The following PLD3 variants were observed in gnomAD, a reference collection of about 807,000 sequenced individuals.
PLD3 encodes the protein phospholipase D family member 3.
PLD3 carries 31 observed loss-of-function variants against 58.4 expected under a neutral mutation model. The observed-to-expected ratio is 0.53, with a 90% CI of 0.40 to 0.72. The LOEUF is 0.72. Among genes scored for constraint, PLD3 ranks in the 30% least tolerant of loss-of-function variants. PLD3 has a pLI of 0.00. For missense variants in PLD3, 595 were observed against 659.8 expected, an observed-to-expected ratio of 0.90 and a Z score of 1.08; for synonymous variants, 264 against 273.4, an observed-to-expected ratio of 0.97 and a Z score of 0.34.
At chr19:40,374,791 G>A in intron 10 of PLD3, 171 bp downstream of exon 10, 1 of 646,842 alleles carries the variant, frequency 1.5e-6, no homozygotes, top group East Asian at 2.7e-5. Flanking sequence ...CTAGGCACTT[G>A]AGACAGGAGA....
At position 40,367,461 on chromosome 19, in the gene PLD3, G is replaced by A. The variant is rs143785129; in HGVS notation, c.246-235G>A. The A allele has an allele frequency of 1.3e-3, 578 of 461,152 alleles. 6 individuals carry two copies. The highest frequency in any genetic ancestry group is 9.5e-3 in the Middle Eastern group (16 of 1,678). 28.6% of individuals were successfully genotyped at this position (461,152 alleles called of 1,614,324 possible). A position where few individuals can be genotyped will look rare whatever the true frequency, so the allele number is the denominator to read the frequency against. On this transcript the variant is annotated intron_variant, in intron 5 of 12. Coordinates refer to ENST00000409735, the MANE Select transcript of PLD3 (RefSeq NM_012268.4). Reference sequence around the variant, plus strand: ...CCAGGCATACTGGTGCACACCTGTAGTCCCAGCTACTCAAGAGGTTGAGGC... The same window carrying A: ...CCAGGCATACTGGTGCACACCTGTAATCCCAGCTACTCAAGAGGTTGAGGC...
At chr19:40,358,536 G>A (rs1320348084) in intron 1 of PLD3, 1 of 152,382 alleles carries the variant, frequency 6.6e-6, no homozygotes, top group Non-Finnish European at 1.5e-5. Flanking sequence ...ACAGGCATGA[G>A]CCACCGTGCC....
intron 1 of PLD3, chr19:40,358,749 C>G (rs1205053976): frequency 6.6e-6 from 1 of 152,268 alleles, no homozygotes; most frequent in African/African-American, 2.4e-5. Flanking sequence ...AAGTAAAGCC[C>G]CATGCTCAGC....
At chr19:40,364,635 A>G (rs1337039700) in intron 1 of PLD3, among the ~76,000 whole-genome samples, 3 of 151,346 alleles carry the variant, frequency 2.0e-5, no homozygotes, top group South Asian at 2.1e-4. Flanking sequence ...ACTAAAAAAT[A>G]CAAAAAAAAA....
In PLD3 at chr19:40,374,636, G is replaced by C. The variant is rs758291403; in HGVS notation, c.1019+16G>C. ...ACCCTCACAGGTACTGCTGGGTGTG[G>C]AGATAGGGAGCCGCTGCAGTTGGCC... On this transcript the variant is annotated intron_variant, in intron 10 of 12. Transcript: ENST00000409735. 2 of 1,613,680 alleles carry C rather than the reference G, an allele frequency of 1.2e-6. No individual in the cohort carries two copies. The highest frequency in any genetic ancestry group is 1.7e-5 in the Admixed American group (1 of 59,986).
At position 40,374,610 on chromosome 19, in the gene PLD3, C is replaced by A; in HGVS notation, c.1009C>A (p.His337Asn). ...MNYLPTLEFS[H>N]PHRFWPAIDD... ...CTACCTGCCCACTCTGGAGTTCTCC[C>A]ACCCTCACAGGTACTGCTGGGTGTG... The change falls in exon 10 of 13, where the codon CAC becomes AAC. Residue 337 changes from histidine to asparagine, a missense_variant. Coordinates refer to ENST00000409735, the MANE Select transcript of PLD3 (RefSeq NM_012268.4). 6.2e-7 allele frequency: 1 copy of A among 1,614,136 alleles called. No homozygotes were observed. Among genetic ancestry groups the A allele is most frequent in the Non-Finnish European group, 8.5e-7 (1 of 1,180,010 alleles).
rs1019208421 is a variant in PLD3, at chr19:40,371,449, T to C, written c.679-224T>C. On this transcript the variant is annotated intron_variant, in intron 8 of 12. Transcript: ENST00000409735. ...GAGTAGAAGCTAGCTCAGTGGAGGGTAGAAGCAACAGCAGATTGCAAACGT... is the reference window on the plus strand; with the variant it reads ...GAGTAGAAGCTAGCTCAGTGGAGGGCAGAAGCAACAGCAGATTGCAAACGT... The C allele has an allele frequency of 2.5e-5, 14 of 564,628 alleles. No homozygotes were observed. The East Asian group carries it at 3.5e-4, about 14-fold the overall frequency. 35.0% of individuals were successfully genotyped at this position (564,628 alleles called of 1,614,324 possible). A position where few individuals can be genotyped will look rare whatever the true frequency, so the allele number is the denominator to read the frequency against.
In PLD3 at chr19:40,367,853, C is replaced by T. The variant is rs1222669184; in HGVS notation, c.403C>T (p.His135Tyr). 2.0e-5 allele frequency: 31 copies of T among 1,564,530 alleles called. No homozygotes were observed. Among genetic ancestry groups the T allele is most frequent in the Non-Finnish European group, 2.7e-5 (31 of 1,157,174 alleles). Residue 135 changes from histidine to tyrosine, a missense_variant, in exon 6 of 13, where the codon CAC becomes TAC. By Grantham distance (83) the His-to-Tyr change is moderately conservative. Coordinates refer to ENST00000409735, the MANE Select transcript of PLD3 (RefSeq NM_012268.4). ...CTGGACCCTCACCAACAATGACACC[C>T]ACACGCAGGAGCCCTCTGCCCAGCA... ...FYWTLTNNDTHTQEPSAQQGE... is the reference protein window; with the variant it reads ...FYWTLTNNDTYTQEPSAQQGE...
intron 1 of PLD3, among the ~76,000 whole-genome samples, chr19:40,363,460 C>A (rs917824510): frequency 2.0e-5 from 3 of 152,124 alleles, no homozygotes; most frequent in Non-Finnish European, 4.4e-5. Context: ...CGGAGTCTCG[C>A]TCTGTTTTAA....
intron 1 of PLD3, chr19:40,365,502 T>G (rs1423059684): frequency 6.6e-6 from 1 of 152,266 alleles, no homozygotes; most frequent in African/African-American, 2.4e-5. Context: ...TCTCTCCGTT[T>G]CATTTTATAA....
At chr19:40,374,377 G>T (rs573587391) in intron 9 of PLD3, 104 bp from the exon 10 acceptor site, 3 of 1,235,458 alleles carry the variant, frequency 2.4e-6, no homozygotes, top group Middle Eastern at 4.3e-4. Flanking sequence ...TGAGGATTTG[G>T]TGAGATCCAC....
At position 40,370,206 on chromosome 19, in the gene PLD3, G is replaced by A; in HGVS notation, c.647G>A (p.Ser216Asn). The A allele has an allele frequency of 2.5e-6, 4 of 1,614,054 alleles. No individual in the cohort carries two copies. The highest frequency in any genetic ancestry group is 2.5e-6 in the Non-Finnish European group (3 of 1,179,978). Residue 216 changes from serine to asparagine, a missense_variant, in exon 8 of 13, where the codon AGT becomes AAT. Transcript: ENST00000409735. ...VVDQTHFYLG[S>N]ANMDWRSLTQ... is the part of the protein sequence containing the mutation. ...GACCAGACCCACTTCTACCTGGGCA[G>A]TGCCAACATGGACTGGCGTTCACTG... is the stretch of plus-strand genomic sequence containing the variant.
intron 1 of PLD3, among the ~76,000 whole-genome samples, chr19:40,350,192 G>A (rs1301762100): frequency 2.0e-5 from 3 of 150,164 alleles, no homozygotes; most frequent in Non-Finnish European, 4.4e-5. Flanking sequence ...TCTGAGAGGC[G>A]GAGGTTGCAG....
chr19:40,371,982 G>C, intron 9 of PLD3, 109 bp downstream of exon 9: 1 of 858,910 alleles, frequency 1.2e-6, no homozygotes, highest in Non-Finnish European at 1.9e-6. Flanking sequence ...CTGACCATCA[G>C]TTCTCACCCC....
rs371987481 is a variant in PLD3, at chr19:40,370,027, C to A, written c.549C>A (p.Ser183Arg). ...CGGACCTGCAGGCTCTGCTGCAGAG[C>A]GGTGAGCTGGGGCCCAACTGGGGCT... ...PQADLQALLQ[S>R]GAQVRMVDMQ... Residue 183 changes from serine (S) to arginine (R), a missense_variant and splice_region_variant, in exon 7 of 13, where the codon AGC becomes AGA. Physicochemically the swap from Ser to Arg is moderately radical, Grantham distance 110. Transcript: ENST00000409735. 1.3e-6 allele frequency: 2 copies of A among 1,563,658 alleles called. No homozygotes were observed. Among genetic ancestry groups the A allele is most frequent in the African/African-American group, 2.7e-5 (2 of 73,652 alleles).
chr19:40,363,018 G>A (rs997795225), intron 1 of PLD3, among the ~76,000 whole-genome samples: 7 of 152,110 alleles, frequency 4.6e-5, no homozygotes, highest in African/African-American at 7.2e-5. Context: ...TCTCACCTCA[G>A]CCTCCCAAAG....
chr19:40,350,495 A>C (rs909836372), intron 1 of PLD3, among the ~76,000 whole-genome samples: 2 of 152,152 alleles, frequency 1.3e-5, no homozygotes, highest in African/African-American at 2.4e-5. Context: ...CTGTAATCCA[A>C]GCACTTTGGG....
At chr19:40,375,649 C>CA (rs59711528) in intron 10 of PLD3, among the ~76,000 whole-genome samples, 79 of 96,070 alleles carry the variant, frequency 8.2e-4, no homozygotes, top group South Asian at 2.3e-3. Context: ...GACACCTTCT[C>CA]AAAAAAAAAA....
chr19:40,351,805 G>A (rs548520271), intron 1 of PLD3, among the ~76,000 whole-genome samples: 3 of 152,298 alleles, frequency 2.0e-5, no homozygotes, highest in African/African-American at 7.2e-5. Flanking sequence ...ATGTGGAGCC[G>A]AGGAGGGATG....
Sources: gnomAD v4.1 joint callset for allele counts (sites outside exome capture counted in the v4.1 genomes callset) on GRCh38, gnomAD v4.1.1 for gene constraint, MANE v1.5 for transcripts, NCBI Gene and HGNC (gene_info 2026-07-23, HGNC 2026-07-21) for gene names.